USP32: variants seen among roughly 807,000 people sequenced by gnomAD.
USP32 encodes the protein ubiquitin specific peptidase 32.
A neutral mutation model predicts 204.8 loss-of-function variants in USP32; 59 were observed. The ratio of observed to expected loss-of-function variants is 0.29; its 90% confidence interval spans 0.23 to 0.36. The LOEUF (loss-of-function observed/expected upper bound fraction) is 0.36, where lower values mean the gene tolerates loss of function less well. USP32 is among the 10% of genes least tolerant of loss of function. The pLI, the probability that USP32 is intolerant of heterozygous loss-of-function variation, is 1.00. For missense variants in USP32, 1,160 were observed against 1,946.4 expected, an observed-to-expected ratio of 0.60 and a Z score of 7.60; for synonymous variants, 517 against 678.4, an observed-to-expected ratio of 0.76 and a Z score of 3.70.
intron 1 of USP32, among the ~76,000 whole-genome samples, chr17:60,354,722 C>T (rs1331278665): frequency 3.3e-5 from 5 of 152,066 alleles, no homozygotes; most frequent in Admixed American, 2.6e-4. Context: ...TGACTTTGTG[C>T]CAAATGTCCA....
chr17:60,195,172 T>C, intron 27 of USP32, among the ~76,000 whole-genome samples: 1 of 152,268 alleles, frequency 6.6e-6, no homozygotes, highest in Non-Finnish European at 1.5e-5. Context: ...CTCCCTTATC[T>C]ATACTAAAAT....
chr17:60,363,321 G>A (rs1033884533), intron 1 of USP32, among the ~76,000 whole-genome samples: 12 of 151,298 alleles, frequency 7.9e-5, no homozygotes, highest in Non-Finnish European at 1.3e-4. Context: ...TGGGCGTAGC[G>A]GCGTGCACCT....
chr17:60,223,273 C>G, intron 14 of USP32, 138 bp downstream of exon 14: 1 of 682,116 alleles, frequency 1.5e-6, no homozygotes, highest in Non-Finnish European at 2.4e-6. Context: ...CAGAAATGTA[C>G]TATACAAAGA....
At chr17:60,278,095 C>T (rs1359837797) in intron 5 of USP32, among the ~76,000 whole-genome samples, 4 of 151,952 alleles carry the variant, frequency 2.6e-5, no homozygotes, top group East Asian at 1.9e-4. Context: ...TTTGTAGAGA[C>T]GGGCCTTGCT....
chr17:60,320,486 C>T (rs575806141), intron 2 of USP32, among the ~76,000 whole-genome samples: 1 of 152,318 alleles, frequency 6.6e-6, no homozygotes, highest in Admixed American at 6.5e-5. Flanking sequence ...TCCACACTCA[C>T]TCAGACTGGG....
chr17:60,206,908 C>T, intron 25 of USP32, 113 bp downstream of exon 25: 3 of 1,478,128 alleles, frequency 2.0e-6, no homozygotes, highest in East Asian at 2.6e-5. Context: ...CCCTTGGGTT[C>T]CAAAATTCTT....
chr17:60,416,955 T>G (rs1420812057), intron 1 of USP32, among the ~76,000 whole-genome samples: 7 of 151,378 alleles, frequency 4.6e-5, no homozygotes, highest in Admixed American at 4.6e-4. Context: ...TCTCAATCTG[T>G]CACGCAGGTT....
At chr17:60,403,308 G>A (rs754195196) in intron 1 of USP32, among the ~76,000 whole-genome samples, 24 of 152,132 alleles carry the variant, frequency 1.6e-4, no homozygotes, top group South Asian at 4.1e-4. Context: ...GAGCCACTGC[G>A]CCCAGCCAAG....
At chr17:60,375,152 C>T (rs1246733730) in intron 1 of USP32, among the ~76,000 whole-genome samples, 1 of 151,848 alleles carries the variant, frequency 6.6e-6, no homozygotes, top group Non-Finnish European at 1.5e-5. Context: ...AGTTGATATT[C>T]CTGTTTGTCT....
At chr17:60,417,099 G>A (rs1315175000) in intron 1 of USP32, among the ~76,000 whole-genome samples, 1 of 151,830 alleles carries the variant, frequency 6.6e-6, no homozygotes, top group Non-Finnish European at 1.5e-5. Context: ...TATATTTTTA[G>A]TAGAGACTGG....
At chr17:60,359,594 T>C (rs761231463) in intron 1 of USP32, among the ~76,000 whole-genome samples, 9 of 152,072 alleles carry the variant, frequency 5.9e-5, no homozygotes, top group Admixed American at 2.6e-4. Context: ...GAGGATCACT[T>C]GAGCCCAGGA....
intron 4 of USP32, among the ~76,000 whole-genome samples, chr17:60,289,384 G>A (rs918972013): frequency 6.6e-6 from 1 of 152,154 alleles, no homozygotes; most frequent in Non-Finnish European, 1.5e-5. Flanking sequence ...TCTTCAATCT[G>A]CCTGAGTTAC....
intron 8 of USP32, 45 bp from the exon 9 acceptor site, chr17:60,265,519 CTTTTAA>C: frequency 7.7e-7 from 1 of 1,299,966 alleles, no homozygotes. Context: ...AGTGAATATA[CTTTTAA>C]TTTTGTTATT....
intron 12 of USP32, among the ~76,000 whole-genome samples, chr17:60,234,524 G>T (rs948424036): frequency 1.3e-5 from 2 of 151,238 alleles, no homozygotes; most frequent in Admixed American, 1.3e-4. Flanking sequence ...TCAGGAGATT[G>T]AGACCATCCT....
chr17:60,186,842 T>C (rs1399065865), intron 29 of USP32, among the ~76,000 whole-genome samples: 1 of 152,164 alleles, frequency 6.6e-6, no homozygotes, highest in Non-Finnish European at 1.5e-5. Context: ...GGCTGCTACC[T>C]GACAAACAAT....
intron 1 of USP32, among the ~76,000 whole-genome samples, chr17:60,400,546 G>C (rs1438297203): frequency 6.6e-6 from 1 of 152,226 alleles, no homozygotes; most frequent in African/African-American, 2.4e-5. Context: ...GAATACAACA[G>C]GAGAAGGAGA....
chr17:60,188,282 TC>T (rs2084298077), intron 29 of USP32, among the ~76,000 whole-genome samples: 1 of 152,228 alleles, frequency 6.6e-6, no homozygotes, highest in South Asian at 2.1e-4. Flanking sequence ...CTGTTTTTTT[TC>T]TGATTACTAG....
chr17:60,193,197 T>C (rs1195236702), intron 27 of USP32, among the ~76,000 whole-genome samples: 4 of 152,176 alleles, frequency 2.6e-5, no homozygotes, highest in Non-Finnish European at 5.9e-5. Context: ...CCCATGAAAA[T>C]TTTATAAGAT....
At chr17:60,256,670 G>A (rs2086314951) in intron 9 of USP32, 13 of 1,086,820 alleles carry the variant, frequency 1.2e-5, no homozygotes, top group Non-Finnish European at 1.3e-5. Context: ...TCCCACTGTA[G>A]TGTGGTATCT....
Sources: allele counts gnomAD v4.1 joint callset (sites outside exome capture counted in the v4.1 genomes callset), GRCh38; gene constraint gnomAD v4.1.1; transcripts MANE v1.5; gene names NCBI Gene and HGNC (gene_info 2026-07-23, HGNC 2026-07-21).